Variants in ATXN7L1 observed in about 807,000 individuals in gnomAD.
ATXN7L1 encodes the protein ataxin-7-like protein 1.
A neutral mutation model predicts 70.8 loss-of-function variants in ATXN7L1; 15 were observed. The ratio of observed to expected loss-of-function variants is 0.21; its 90% CI spans 0.14 to 0.33. The LOEUF (loss-of-function observed/expected upper bound fraction) is 0.33, where lower values mean the gene tolerates loss of function less well. ATXN7L1 is among the 10% of genes least tolerant of loss of function. The probability of loss-of-function intolerance (pLI) is 1.00; values close to 1 mark genes in which losing one functional copy is unlikely to be tolerated. For missense variants in ATXN7L1, 975 were observed against 1,097.1 expected, an observed-to-expected ratio of 0.89 and a Z score of 1.57; for synonymous variants, 440 against 445.1, an observed-to-expected ratio of 0.99 and a Z score of 0.14.
intron 3 of ATXN7L1, among the ~76,000 whole-genome samples, chr7:105,669,490 TG>T (rs1803185789): frequency 1.3e-5 from 2 of 152,188 alleles, no homozygotes; most frequent in Admixed American, 6.5e-5. Context: ...GGTTGTTTGA[TG>T]TGTGATTTTG....
chr7:105,859,309 C>G (rs1421608726), intron 2 of ATXN7L1, among the ~76,000 whole-genome samples: 2 of 151,942 alleles, frequency 1.3e-5, no homozygotes, highest in African/African-American at 2.4e-5. Flanking sequence ...GTAGCACAAT[C>G]AAGATGTGGA....
intron 2 of ATXN7L1, among the ~76,000 whole-genome samples, chr7:105,815,994 C>A (rs1809130224): frequency 6.6e-6 from 1 of 152,114 alleles, no homozygotes; most frequent in Non-Finnish European, 1.5e-5. Context: ...AAACCTAATC[C>A]CAGTACACTG....
intron 7 of ATXN7L1, among the ~76,000 whole-genome samples, chr7:105,637,346 T>C (rs17345800): frequency 0.24 from 37,190 of 152,194 alleles, 5,723 homozygotes; most frequent in Non-Finnish European, 0.35. Context: ...GACTATGTCC[T>C]CTTAAAGCCT....
chr7:105,860,986 G>A (rs1244077623), intron 2 of ATXN7L1, among the ~76,000 whole-genome samples: 1 of 152,220 alleles, frequency 6.6e-6, no homozygotes, highest in Non-Finnish European at 1.5e-5. Context: ...GGCATGGCTA[G>A]CATGCACAGG....
intron 5 of ATXN7L1, 24 bp from the exon 6 acceptor site, chr7:105,639,593 A>C: frequency 6.6e-6 from 10 of 1,511,490 alleles, no homozygotes; most frequent in Non-Finnish European, 7.2e-6. Flanking sequence ...CAAACAAAAA[A>C]TATAAGAAAA....
At chr7:105,806,995 C>T (rs1174044646) in intron 2 of ATXN7L1, among the ~76,000 whole-genome samples, 1 of 152,198 alleles carries the variant, frequency 6.6e-6, no homozygotes, top group African/African-American at 2.4e-5. Context: ...CCAGCAGAGC[C>T]TTCTTTTCCC....
intron 2 of ATXN7L1, among the ~76,000 whole-genome samples, chr7:105,845,466 T>C (rs1258275644): frequency 6.6e-6 from 1 of 151,936 alleles, no homozygotes; most frequent in African/African-American, 2.4e-5. Flanking sequence ...ATGGTTTGCA[T>C]TCTCTAAACT....
chr7:105,857,851 T>C (rs996434030), intron 2 of ATXN7L1, among the ~76,000 whole-genome samples: 1 of 152,156 alleles, frequency 6.6e-6, no homozygotes, highest in Non-Finnish European at 1.5e-5. Flanking sequence ...GAAATTCTAG[T>C]GTACCCAGTC....
At chr7:105,838,323 C>A (rs1308702969) in intron 2 of ATXN7L1, among the ~76,000 whole-genome samples, 1 of 152,230 alleles carries the variant, frequency 6.6e-6, no homozygotes, top group African/African-American at 2.4e-5. Context: ...CCATTTCCTA[C>A]TTTTCACAGC....
chr7:105,809,797 G>T (rs1808156470), intron 2 of ATXN7L1, among the ~76,000 whole-genome samples: 1 of 151,214 alleles, frequency 6.6e-6, no homozygotes, highest in Non-Finnish European at 1.5e-5. Flanking sequence ...CCAAGACAGG[G>T]TCTCACTCTG....
intron 3 of ATXN7L1, among the ~76,000 whole-genome samples, chr7:105,776,487 C>CA (rs1324224776): frequency 9.3e-6 from 1 of 107,810 alleles, no homozygotes; most frequent in Non-Finnish European, 1.8e-5. Flanking sequence ...AACAAACAAA[C>CA]AAACAACCCC....
At chr7:105,725,944 C>T (rs931069825) in intron 3 of ATXN7L1, among the ~76,000 whole-genome samples, 1 of 149,440 alleles carries the variant, frequency 6.7e-6, no homozygotes, top group African/African-American at 2.5e-5. Flanking sequence ...GCTCCGTCGT[C>T]CAGGATGGAG....
At chr7:105,850,150 T>C (rs1004939313) in intron 2 of ATXN7L1, among the ~76,000 whole-genome samples, 2 of 152,186 alleles carry the variant, frequency 1.3e-5, no homozygotes, top group African/African-American at 4.8e-5. Flanking sequence ...AATATAATGA[T>C]AAAAAAATAC....
chr7:105,668,800 T>G (rs1803055184), intron 3 of ATXN7L1, among the ~76,000 whole-genome samples: 1 of 152,012 alleles, frequency 6.6e-6, no homozygotes, highest in African/African-American at 2.4e-5. Flanking sequence ...GCACTTTGGC[T>G]GGCCAAGGTG....
Position 105,721,660 on chromosome 7 carries a change from G to A in ATXN7L1, c.356-56372C>T, listed in dbSNP as rs550165922. ...TTTGTGACCTCGTTTTGTAAAAATCGTGAACACCCTAGACCTGAGAGGAGG... is the reference window on the plus strand; with the variant it reads ...TTTGTGACCTCGTTTTGTAAAAATCATGAACACCCTAGACCTGAGAGGAGG... On this transcript the variant is annotated intron_variant, in intron 3 of 11. Transcript: ENST00000419735. Among the ~76,000 whole-genome samples, 111 of 152,290 alleles carry A rather than the reference G, an allele frequency of 7.3e-4. 1 individual carries two copies. The highest frequency in any genetic ancestry group is 2.6e-3 in the African/African-American group (106 of 41,550).
At chr7:105,617,825 T>C (rs1300553078) in intron 9 of ATXN7L1, 1 of 409,608 alleles carries the variant, frequency 2.4e-6, no homozygotes, top group African/African-American at 2.1e-5. Context: ...TGGCGGCTCC[T>C]GATGCAGAGT....
At chr7:105,874,032 GGAGAAT>G (rs1251681106) in intron 2 of ATXN7L1, among the ~76,000 whole-genome samples, 1 of 151,726 alleles carries the variant, frequency 6.6e-6, no homozygotes, top group Non-Finnish European at 1.5e-5. Context: ...GGCTGAGGCA[GGAGAAT>G]CGCTTGAACC....
intron 4 of ATXN7L1, among the ~76,000 whole-genome samples, chr7:105,649,789 C>T (rs1172747455): frequency 6.6e-6 from 1 of 152,246 alleles, no homozygotes; most frequent in Non-Finnish European, 1.5e-5. Flanking sequence ...ATGAATTTGA[C>T]AGGCAGGAGC....
At chr7:105,642,526 TAC>T (rs1192390148) in intron 5 of ATXN7L1, among the ~76,000 whole-genome samples, 1 of 152,188 alleles carries the variant, frequency 6.6e-6, no homozygotes, top group Non-Finnish European at 1.5e-5. Context: ...ATGATACAGA[TAC>T]ACAGAATCAC....
Sources: allele counts gnomAD v4.1 joint callset (sites outside exome capture counted in the v4.1 genomes callset), GRCh38; gene constraint gnomAD v4.1.1; transcripts MANE v1.5; gene names NCBI Gene and HGNC (gene_info 2026-07-23, HGNC 2026-07-21).